DMD: variants seen among roughly 807,000 people sequenced by gnomAD.
DMD encodes the protein mutant dystrophin.
Under a neutral mutation model 330.1 loss-of-function variants are expected in DMD, and 63 were observed. The observed-to-expected ratio is 0.19, with a 90% CI of 0.16 to 0.24. DMD has a LOEUF of 0.24. DMD is among the 10% of genes least tolerant of loss of function. The pLI, the probability that DMD is intolerant of heterozygous loss-of-function variation, is 1.00. For missense variants in DMD, 3,344 were observed against 2,684.1 expected, an observed-to-expected ratio of 1.25 and a Z score of -5.43; for synonymous variants, 1,223 against 959.8, an observed-to-expected ratio of 1.27 and a Z score of -5.07.
intron 17 of DMD, among the ~76,000 whole-genome samples, chrX:32,540,045 G>A (rs749004548): frequency 9.0e-6 from 1 of 111,704 alleles, no homozygotes; most frequent in Admixed American, 9.5e-5. Context: ...AAAACAATTT[G>A]CCATTCATTC....
intron 2 of DMD, among the ~76,000 whole-genome samples, chrX:32,928,455 T>C (rs1433104651): frequency 2.7e-5 from 3 of 111,673 alleles, no homozygotes; most frequent in African/African-American, 9.8e-5. Flanking sequence ...GCTTACTGTT[T>C]TGTATATGTG....
intron 59 of DMD, among the ~76,000 whole-genome samples, chrX:31,467,378 G>T (rs1453837618): frequency 9.0e-6 from 1 of 111,298 alleles, no homozygotes; most frequent in Non-Finnish European, 1.9e-5. Flanking sequence ...GCATGAAGGG[G>T]TGTTGAATTT....
At chrX:32,097,131 G>A (rs543783209) in intron 44 of DMD, among the ~76,000 whole-genome samples, 2 of 110,919 alleles carry the variant, frequency 1.8e-5, no homozygotes, top group East Asian at 2.9e-4. Flanking sequence ...TGTGCAGAAC[G>A]TGCAGATTTG....
chrX:32,280,877 G>A (rs1488580103), intron 43 of DMD, among the ~76,000 whole-genome samples: 1 of 112,356 alleles, frequency 8.9e-6, no homozygotes, highest in Non-Finnish European at 1.9e-5. Flanking sequence ...TTACAACTGA[G>A]ATAGCAAATT....
intron 55 of DMD, among the ~76,000 whole-genome samples, chrX:31,530,092 C>T (rs375061881): frequency 8.1e-4 from 90 of 111,432 alleles, no homozygotes; most frequent in African/African-American, 2.8e-3. Context: ...GTATTTCATA[C>T]CTGATATGTA....
intron 13 of DMD, among the ~76,000 whole-genome samples, chrX:32,589,745 GTA>G (rs1353317313): frequency 9.0e-6 from 1 of 111,347 alleles, no homozygotes; most frequent in Non-Finnish European, 1.9e-5. Flanking sequence ...TGTAACATTT[GTA>G]TATGATATTC....
chrX:33,096,769 G>T (rs2148347056), intron 1 of DMD, among the ~76,000 whole-genome samples: 1 of 112,517 alleles, frequency 8.9e-6, no homozygotes, highest in Non-Finnish European at 1.9e-5. Context: ...GCCTCCCAAA[G>T]TGCTGGGATT....
chrX:32,310,042 A>G, intron 42 of DMD, 40 bp downstream of exon 42: 1 of 1,130,564 alleles, frequency 8.8e-7, no homozygotes, highest in East Asian at 3.0e-5. Context: ...GATCAGTATG[A>G]TCACCTTGTA....
rs142153424 is a variant in DMD at position 31,774,026 on chromosome X, A to G, written c.7476T>C (p.Val2492=). The stretch of plus-strand genomic sequence containing the variant: ...CCACCATCACCCTCTGTGATTTTAT[A>G]ACTTGATCAAGCAGAGAAAGCCAGT... ...LTDWLSLLDQ[V]IKSQRVMVGD... Residue 2492 remains valine (V), a synonymous_variant, in exon 51 of 79, where the codon GTT becomes GTC. Transcript: ENST00000357033. 1.1e-3 allele frequency: 1,290 copies of G among 1,207,387 alleles called. 8 individuals carry two copies. In the African/African-American group the frequency reaches 0.02, roughly 19 times the overall value.
At chrX:31,887,808 A>T (rs1319002262) in intron 47 of DMD, among the ~76,000 whole-genome samples, 1 of 112,082 alleles carries the variant, frequency 8.9e-6, no homozygotes, top group Non-Finnish European at 1.9e-5. Context: ...ACACATACAC[A>T]CAGCCACAAT....
intron 76 of DMD, among the ~76,000 whole-genome samples, chrX:31,137,915 A>G (rs1486180474): frequency 1.8e-5 from 2 of 111,586 alleles, no homozygotes; most frequent in Non-Finnish European, 3.8e-5. Flanking sequence ...TGCTCCAGAC[A>G]GAAGGATTGG....
At chrX:32,730,856 G>T (rs929978826) in intron 7 of DMD, among the ~76,000 whole-genome samples, 4 of 111,869 alleles carry the variant, frequency 3.6e-5, no homozygotes, top group Non-Finnish European at 7.5e-5. Flanking sequence ...CCTACCAGTG[G>T]GAAAATTAAA....
At chrX:32,659,972 T>C (rs2060839606) in intron 9 of DMD, among the ~76,000 whole-genome samples, 1 of 110,699 alleles carries the variant, frequency 9.0e-6, no homozygotes, top group Non-Finnish European at 1.9e-5. Flanking sequence ...TTCCACCCTC[T>C]GCCTCAAGGA....
At chrX:32,200,314 T>C (rs1446112153) in intron 44 of DMD, among the ~76,000 whole-genome samples, 1 of 112,042 alleles carries the variant, frequency 8.9e-6, no homozygotes, top group Non-Finnish European at 1.9e-5. Context: ...CTCATGATGC[T>C]TTATTAAATA....
intron 55 of DMD, among the ~76,000 whole-genome samples, chrX:31,510,154 C>T (rs941622815): frequency 1.8e-5 from 2 of 111,960 alleles, no homozygotes; most frequent in Admixed American, 9.5e-5. Flanking sequence ...GTTATTCCTC[C>T]CCCTGGCTCT....
At chrX:32,364,763 A>G in intron 35 of DMD, 53 bp from the exon 36 acceptor site, 1 of 1,160,442 alleles carries the variant, frequency 8.6e-7, no homozygotes, top group East Asian at 3.0e-5. Flanking sequence ...ATATTCTTAA[A>G]GAATTTTTCC....
rs1039007115 is a variant in DMD at position 32,866,787 on chromosome X, G to A, written c.94-16967C>T. Among the ~76,000 whole-genome samples, 6 of 105,080 alleles carry A rather than the reference G, an allele frequency of 5.7e-5. No individual in the cohort carries two copies. In the South Asian group the frequency reaches 1.8e-3, roughly 32 times the overall value. The allele number at this position is 105,080 out of a possible 115,157, so 91.2% of individuals were successfully genotyped here. ...TTCACTCTTTCGCCCAGCCTGCAGCGCAGTGGTGTGGTCTCAGCTCACTGC... is the reference window on the plus strand; with the variant it reads ...TTCACTCTTTCGCCCAGCCTGCAGCACAGTGGTGTGGTCTCAGCTCACTGC... On this transcript the variant is annotated intron_variant, in intron 2 of 78. Coordinates refer to ENST00000357033, the MANE Select transcript of DMD (RefSeq NM_004006.3).
intron 60 of DMD, among the ~76,000 whole-genome samples, chrX:31,435,899 C>T (rs1198567319): frequency 9.0e-6 from 1 of 111,047 alleles, no homozygotes; most frequent in South Asian, 3.8e-4. Context: ...AGAGGTCAGC[C>T]CAGAGAGACA....
intron 2 of DMD, among the ~76,000 whole-genome samples, chrX:32,884,857 C>G (rs750466078): frequency 8.9e-6 from 1 of 112,088 alleles, no homozygotes; most frequent in African/African-American, 3.2e-5. Flanking sequence ...GCCTTTACAT[C>G]TTCTCAGGAT....
Sources: gnomAD v4.1 joint callset for allele counts (sites outside exome capture counted in the v4.1 genomes callset) on GRCh38, gnomAD v4.1.1 for gene constraint, MANE v1.5 for transcripts, NCBI Gene and HGNC (gene_info 2026-07-23, HGNC 2026-07-21) for gene names.